The following IMPA1 variants were observed in gnomAD, a reference collection of about 807,000 sequenced individuals.
The protein encoded by IMPA1 is inositol monophosphatase 1, also known as D-galactose 1-phosphate phosphatase.
Under a neutral mutation model 34.9 loss-of-function variants are expected in IMPA1, and 21 were observed. The observed-to-expected ratio is 0.60, with a 90% CI of 0.43 to 0.87. The LOEUF (loss-of-function observed/expected upper bound fraction) is 0.87. Ranked by LOEUF, IMPA1 falls within the 40% of genes least tolerant of loss-of-function variation. The pLI, the probability that IMPA1 is intolerant of heterozygous loss-of-function variation, is 0.00. For synonymous variants in IMPA1, 95 were observed against 104.4 expected (o/e 0.91, Z 0.55); for missense variants, 299 against 336.4 (o/e 0.89, Z 0.87).
intron 4 of IMPA1, among the ~76,000 whole-genome samples, chr8:81,677,189 G>A (rs1585899857): frequency 6.6e-6 from 1 of 151,580 alleles, no homozygotes; most frequent in Non-Finnish European, 1.5e-5. Flanking sequence ...TCCACTTCCC[G>A]GGTTCAAGTG....
intron 6 of IMPA1, among the ~76,000 whole-genome samples, chr8:81,673,169 T>C (rs1807037871): frequency 6.6e-6 from 1 of 152,246 alleles, no homozygotes; most frequent in African/African-American, 2.4e-5. Context: ...CAATGTAGAC[T>C]GATAGCTTAT....
At position 81,680,751 on chromosome 8, in the gene IMPA1, A is replaced by G. The variant is rs1585903221; in HGVS notation, c.96T>C (p.Asn32=). Residue 32 remains asparagine, a synonymous_variant, in exon 3 of 9, where the codon AAT becomes AAC. Coordinates refer to ENST00000256108, the MANE Select transcript of IMPA1 (RefSeq NM_005536.4). ...VVCEAIKNEM[N]VMLKSSPVDL... ...CAACTGGAGAACTTTTCAGCATAAC[A>G]TTCATTTCATTTTTTATAGCTTCAC... is the stretch of plus-strand genomic sequence containing the variant. 6.2e-7 allele frequency: 1 copy of G among 1,608,910 alleles called. No individual in the cohort carries two copies. The highest frequency in any genetic ancestry group is 2.2e-5 in the East Asian group (1 of 44,844).
chr8:81,674,428 T>C (rs1807073693), intron 5 of IMPA1: 1 of 201,400 alleles, frequency 5.0e-6, no homozygotes, highest in Non-Finnish European at 1.0e-5. Context: ...CCTATTCTCC[T>C]CTTAATACAT....
At chr8:81,682,860 C>T (rs1268931082) in intron 1 of IMPA1, among the ~76,000 whole-genome samples, 11 of 152,182 alleles carry the variant, frequency 7.2e-5, no homozygotes, top group Admixed American at 7.2e-4. Context: ...TAGATGTTTA[C>T]TGAATACCTA....
intron 7 of IMPA1, among the ~76,000 whole-genome samples, chr8:81,666,514 A>G (rs1028254589): frequency 2.6e-5 from 4 of 152,200 alleles, no homozygotes; most frequent in Non-Finnish European, 4.4e-5. Flanking sequence ...GCACACTTCA[A>G]ATGCAGTGGT....
rs767412005 is a variant in IMPA1, at chr8:81,679,234, A to G, written c.198-4T>C. 4.4e-5 allele frequency: 69 copies of G among 1,585,704 alleles called. No homozygotes were observed. Among genetic ancestry groups the G allele is most frequent in the Non-Finnish European group, 5.5e-5 (64 of 1,154,274 alleles). On this transcript the variant is annotated splice_region_variant and splice_polypyrimidine_tract_variant and intron_variant, in intron 3 of 8. Coordinates refer to ENST00000256108, the MANE Select transcript of IMPA1 (RefSeq NM_005536.4). ...CACAGATTCTTCACCAATGAAACTA[A>G]AAGCCAAGTAGGACAAACTCTTAAT...
intron 7 of IMPA1, 29 bp from the exon 8 acceptor site, chr8:81,660,696 G>A (rs1585887055): frequency 6.4e-7 from 1 of 1,565,738 alleles, no homozygotes; most frequent in Non-Finnish European, 8.7e-7. Flanking sequence ...AAATAAAATT[G>A]GAAAAAATAA....
intron 1 of IMPA1, among the ~76,000 whole-genome samples, chr8:81,683,409 G>A (rs1312506047): frequency 6.6e-6 from 1 of 152,160 alleles, no homozygotes. Flanking sequence ...GGGAAGTTTT[G>A]CTGGTAGAGA....
At chr8:81,683,257 C>T (rs780133026) in intron 1 of IMPA1, among the ~76,000 whole-genome samples, 1 of 152,128 alleles carries the variant, frequency 6.6e-6, no homozygotes, top group Non-Finnish European at 1.5e-5. Flanking sequence ...AGGGATAAGA[C>T]ATTGATTGAA....
intron 7 of IMPA1, among the ~76,000 whole-genome samples, chr8:81,663,396 T>C (rs1806732191): frequency 6.6e-6 from 1 of 152,226 alleles, no homozygotes; most frequent in Non-Finnish European, 1.5e-5. Flanking sequence ...AGTTTGTACA[T>C]GGTCAACCTA....
At chr8:81,669,916 C>G (rs561491139) in intron 7 of IMPA1, among the ~76,000 whole-genome samples, 1 of 152,228 alleles carries the variant, frequency 6.6e-6, no homozygotes, top group Admixed American at 6.5e-5. Flanking sequence ...CATCATAGGA[C>G]TAGGACTGGT....
intron 3 of IMPA1, among the ~76,000 whole-genome samples, chr8:81,680,415 G>A (rs971773403): frequency 6.6e-6 from 1 of 152,192 alleles, no homozygotes; most frequent in Admixed American, 6.5e-5. Flanking sequence ...AAGGAACTGA[G>A]AGAAGCTACC....
At chr8:81,680,567 G>A (rs923454802) in intron 3 of IMPA1, 83 bp downstream of exon 3, 18 of 1,012,446 alleles carry the variant, frequency 1.8e-5, no homozygotes, top group East Asian at 5.0e-5. Context: ...GGCAAGAACC[G>A]TGTAGTCAAG....
chr8:81,677,940 T>G (rs1415096043), intron 4 of IMPA1, among the ~76,000 whole-genome samples: 2 of 152,196 alleles, frequency 1.3e-5, no homozygotes, highest in Non-Finnish European at 2.9e-5. Context: ...CCACCAGGCT[T>G]TCTTCTAGTA....
intron 1 of IMPA1, 149 bp downstream of exon 1, chr8:81,686,103 C>T (rs1301316828): frequency 7.1e-6 from 6 of 843,372 alleles, no homozygotes; most frequent in Non-Finnish European, 9.7e-6. Flanking sequence ...GATAACGCAG[C>T]AGGCAGGGGT....
intron 7 of IMPA1, among the ~76,000 whole-genome samples, chr8:81,669,565 G>C (rs1238525601): frequency 1.3e-5 from 2 of 152,208 alleles, no homozygotes; most frequent in African/African-American, 4.8e-5. Flanking sequence ...TTTGGAATGG[G>C]AATGCCTGTC....
chr8:81,660,635 A>G lies in IMPA1; in HGVS notation c.599T>C (p.Met200Thr). The part of the protein sequence containing the change: ...IRSVGTAAVN[M>T]CLVATGGADA... ...TGCTCCGCCAGTTGCCACAAGGCAC[A>G]TATTAACAGCTGCTGTTCCAACACT... is the stretch of plus-strand genomic sequence containing the variant. The change falls in exon 8 of 9, where the codon ATG becomes ACG. Residue 200 changes from methionine (M) to threonine (T), a missense_variant. Physicochemically the swap from Met to Thr is moderately conservative, Grantham distance 81 (BLOSUM62 -1). Coordinates refer to ENST00000256108, the MANE Select transcript of IMPA1 (RefSeq NM_005536.4). The G allele has an allele frequency of 6.2e-7, 1 of 1,613,434 alleles. No individual in the cohort carries two copies. Among genetic ancestry groups the G allele is most frequent in the South Asian group, 1.1e-5 (1 of 90,998 alleles).
intron 1 of IMPA1, among the ~76,000 whole-genome samples, chr8:81,684,156 T>C (rs10089738): frequency 0.027 from 3,405 of 124,536 alleles, 145 homozygotes; most frequent in African/African-American, 0.088. Context: ...CACACACACA[T>C]ACACACACAT....
rs948150462 is a variant in IMPA1 at position 81,672,226 on chromosome 8, A to G, written c.458-1179T>C. Among the ~76,000 whole-genome samples, 28 of 152,354 alleles carry G rather than the reference A, an allele frequency of 1.8e-4. 1 individual carries two copies. The highest frequency in any genetic ancestry group is 6.7e-4 in the African/African-American group (28 of 41,594). On this transcript the variant is annotated intron_variant, in intron 6 of 8. Transcript: ENST00000256108. ...CACTGAAAAGAATTTCAATGTGCAA[A>G]CTGTGGAAAATGTTTGGTGTGGTTT... is the stretch of plus-strand genomic sequence containing the variant.
Sources: allele counts gnomAD v4.1 joint callset (sites outside exome capture counted in the v4.1 genomes callset), GRCh38; gene constraint gnomAD v4.1.1; transcripts MANE v1.5; gene names NCBI Gene and HGNC (gene_info 2026-07-23, HGNC 2026-07-21).